CACNA2D4: variants seen among roughly 807,000 people sequenced by gnomAD.
CACNA2D4 encodes calcium voltage-gated channel auxiliary subunit alpha2delta 4.
A neutral mutation model predicts 163.8 loss-of-function variants in CACNA2D4; 157 were observed. The ratio of observed to expected loss-of-function variants is 0.96; its 90% CI spans 0.84 to 1.09. The LOEUF is 1.09. Among genes scored for constraint, CACNA2D4 ranks in the 50% least tolerant of loss-of-function variants. The pLI is 0.00. For missense variants in CACNA2D4, 1,410 were observed against 1,479.9 expected (o/e 0.95, Z 0.78); for synonymous variants, 598 against 586.9 (o/e 1.02, Z -0.27).
chr12:1,830,034 G>T (rs931878385), intron 26 of CACNA2D4, among the ~76,000 whole-genome samples: 1 of 152,326 alleles, frequency 6.6e-6, no homozygotes, highest in East Asian at 1.9e-4. Flanking sequence ...CCCCATGCTC[G>T]CTACGCAGAA....
At position 1,843,149 on chromosome 12, in the gene CACNA2D4, C is replaced by A. The variant is rs1486509181; in HGVS notation, c.2470+1253G>T. Among the ~76,000 whole-genome samples, 1 of 152,148 alleles carries A rather than the reference C, an allele frequency of 6.6e-6. No individual in the cohort carries two copies. The highest frequency in any genetic ancestry group is 1.5e-5 in the Non-Finnish European group (1 of 68,016). ...TTGTGAAGCATAGTAGTTATTTGCACGTGTGTGGAGGGAACAGCACAGGTG... is the reference window on the plus strand; with the variant it reads ...TTGTGAAGCATAGTAGTTATTTGCAAGTGTGTGGAGGGAACAGCACAGGTG... On this transcript the variant is annotated intron_variant, in intron 25 of 37. Coordinates refer to ENST00000382722, the MANE Select transcript of CACNA2D4 (RefSeq NM_172364.5). This position sits in a 1 kb window ranked among gnomAD's most constrained non-coding sequence, Gnocchi z 4.6.
In CACNA2D4 at chr12:1,843,824, T is replaced by C. The variant is rs7967890; in HGVS notation, c.2470+578A>G. Reference sequence around the variant, plus strand: ...CCCTGGCCGTGCAGGGATTTTGTGGTTGCCTCATACCCCACCCTCCCCACC... The same window carrying C: ...CCCTGGCCGTGCAGGGATTTTGTGGCTGCCTCATACCCCACCCTCCCCACC... On this transcript the variant is annotated intron_variant, in intron 25 of 37. Transcript: ENST00000382722. This position sits in a 1 kb window ranked among gnomAD's most constrained non-coding sequence, Gnocchi z 4.6. 0.05 allele frequency among the ~76,000 whole-genome samples: 7,622 copies of C among 152,174 alleles called. 278 individuals carry two copies. The highest frequency in any genetic ancestry group is 0.096 in the Middle Eastern group (28 of 292).
chr12:1,811,556 T>G, intron 27 of CACNA2D4, 106 bp downstream of exon 27: 4 of 1,178,968 alleles, frequency 3.4e-6, no homozygotes, highest in Non-Finnish European at 4.9e-6. Flanking sequence ...GAGGGCATCC[T>G]GAGAGCCTCA....
rs994828451 is a variant in CACNA2D4 at position 1,917,743 on chromosome 12, T to C, written c.227+504A>G. On this transcript the variant is annotated intron_variant, in intron 1 of 37. Transcript: ENST00000382722. This position sits in a 1 kb window ranked among gnomAD's most constrained non-coding sequence, Gnocchi z 4.3. ...GGAAGACTGCGGCCACCAAAATCCA[T>C]TTTTTTCCCCAGTTCCTGGACAAGC... is the stretch of plus-strand genomic sequence containing the variant. 1.3e-5 allele frequency among the ~76,000 whole-genome samples: 2 copies of C among 151,936 alleles called. No homozygotes were observed. The highest frequency in any genetic ancestry group is 2.4e-5 in the African/African-American group (1 of 41,162).
At chr12:1,837,522 C>T (rs980268737) in intron 26 of CACNA2D4, among the ~76,000 whole-genome samples, 4 of 152,122 alleles carry the variant, frequency 2.6e-5, no homozygotes, top group African/African-American at 2.4e-5. Flanking sequence ...GCTCAACGCC[C>T]GGCCCGAGAA....
Position 1,800,038 on chromosome 12 carries a change from C to CA in CACNA2D4, c.2935dup (p.Trp979LeufsTer71). 6.2e-7 allele frequency: 1 copy of CA among 1,603,118 alleles called. No homozygotes were observed. The highest frequency in any genetic ancestry group is 1.1e-5 in the South Asian group (1 of 88,746). ...GTCGTACCAGGAGCCCCAGACACTC[C>CA]ACTCCAGCAGGAACCTGTCAGACAC... On this transcript the variant is annotated frameshift_variant, in exon 33 of 38. Coordinates refer to ENST00000382722, the MANE Select transcript of CACNA2D4 (RefSeq NM_172364.5). LOFTEE classifies it high-confidence loss of function.
chr12:1,841,360 C>T (rs1865021916), intron 25 of CACNA2D4, among the ~76,000 whole-genome samples: 3 of 152,242 alleles, frequency 2.0e-5, no homozygotes, highest in South Asian at 4.1e-4. Context: ...ACTTGCTTCT[C>T]AGCTGTTGCT....
chr12:1,834,753 G>T lies in CACNA2D4; in HGVS notation c.2551+5986C>A. ...ATCCCCACCCGGCCAGGTAGGAAGG[G>T]CGGGGAGAGCACACGGCATTGCTCA... is the stretch of plus-strand genomic sequence containing the variant. On this transcript the variant is annotated intron_variant, in intron 26 of 37. Coordinates refer to ENST00000382722, the MANE Select transcript of CACNA2D4 (RefSeq NM_172364.5). This position sits in a 1 kb window ranked among gnomAD's most constrained non-coding sequence, Gnocchi z 7.6. 6.4e-7 allele frequency: 1 copy of T among 1,554,652 alleles called. No individual in the cohort carries two copies. The highest frequency in any genetic ancestry group is 8.7e-7 in the Non-Finnish European group (1 of 1,153,146).
At chr12:1,794,580 C>T (rs998658885) in intron 37 of CACNA2D4, among the ~76,000 whole-genome samples, 3 of 152,122 alleles carry the variant, frequency 2.0e-5, no homozygotes, top group African/African-American at 7.2e-5. Context: ...TCTCAGGCTC[C>T]GTGAGTTGTT....
rs527929308 is a variant in CACNA2D4 at position 1,798,709 on chromosome 12, G to A, written c.2995+966C>T. On this transcript the variant is annotated intron_variant, in intron 34 of 37. Coordinates refer to ENST00000382722, the MANE Select transcript of CACNA2D4 (RefSeq NM_172364.5). The surrounding 1 kb of genome is among the most constrained non-coding windows in gnomAD (Gnocchi z 4.3). The stretch of plus-strand genomic sequence containing the variant: ...CAGACCAGGGGGAGGAGCTCCAGGG[G>A]ACAGGTACCCCAGAGAAGAGAAATT... Among the ~76,000 whole-genome samples, 7 of 152,308 alleles carry A rather than the reference G, an allele frequency of 4.6e-5. No individual in the cohort carries two copies. The East Asian group carries it at 1.4e-3, about 29-fold the overall frequency.
rs759856031 is a variant in CACNA2D4, at chr12:1,843,353, AGTG to A, written c.2470+1046_2470+1048del. Among the ~76,000 whole-genome samples the A allele has an allele frequency of 1.3e-4, 20 of 152,150 alleles. No individual in the cohort carries two copies. Among genetic ancestry groups the A allele is most frequent in the Non-Finnish European group, 2.4e-4 (16 of 68,024 alleles). On this transcript the variant is annotated intron_variant, in intron 25 of 37. Transcript: ENST00000382722. The surrounding 1 kb of genome is among the most constrained non-coding windows in gnomAD (Gnocchi z 4.6). ...ACGACGCTTGAGGATGGTTTGGCAA[AGTG>A]GTGGTGGAAGGCCTTTGGCAGAAGG...
chr12:1,858,759 G>A (rs139341807), intron 19 of CACNA2D4, 115 bp from the exon 20 acceptor site: 4 of 685,954 alleles, frequency 5.8e-6, no homozygotes, highest in African/African-American at 3.7e-5. Context: ...TACCCACGAC[G>A]AGTGGTGTGC....
chr12:1,907,082 C>T (rs541999856), intron 6 of CACNA2D4, among the ~76,000 whole-genome samples: 21 of 152,346 alleles, frequency 1.4e-4, no homozygotes, highest in African/African-American at 4.3e-4. Context: ...ACACTCTTGG[C>T]GAGTGCGCCT....
intron 6 of CACNA2D4, among the ~76,000 whole-genome samples, chr12:1,887,993 A>T (rs1866190814): frequency 6.6e-6 from 1 of 152,156 alleles, no homozygotes; most frequent in African/African-American, 2.4e-5. Flanking sequence ...ATGATCTCAA[A>T]ACCAAACAAA....
At chr12:1,819,821 G>T (rs1057480476) in intron 26 of CACNA2D4, among the ~76,000 whole-genome samples, 1 of 152,182 alleles carries the variant, frequency 6.6e-6, no homozygotes, top group Non-Finnish European at 1.5e-5. Context: ...CTGGCACTGA[G>T]AACGGTCTGC....
intron 37 of CACNA2D4, among the ~76,000 whole-genome samples, chr12:1,794,505 C>T (rs981784483): frequency 1.3e-5 from 2 of 152,198 alleles, no homozygotes; most frequent in African/African-American, 2.4e-5. Context: ...AGATGCCAAT[C>T]GCAAGCCCCA....
chr12:1,826,735 C>T (rs530808556), intron 26 of CACNA2D4, among the ~76,000 whole-genome samples: 1 of 152,232 alleles, frequency 6.6e-6, no homozygotes, highest in African/African-American at 2.4e-5. Flanking sequence ...CCTGTTCTAA[C>T]TGAGCACTGC....
intron 2 of CACNA2D4, 83 bp downstream of exon 2, chr12:1,914,771 C>T (rs1025615609): frequency 1.4e-4 from 124 of 887,738 alleles, no homozygotes; most frequent in Non-Finnish European, 2.1e-5. Context: ...TGCCCAAGGC[C>T]CCTCACAGCA....
intron 36 of CACNA2D4, 75 bp from the exon 37 acceptor site, chr12:1,795,456 AC>A: frequency 7.1e-7 from 1 of 1,406,758 alleles, no homozygotes; most frequent in Non-Finnish European, 9.8e-7. Context: ...GTCTGGAAGA[AC>A]CTGCTCTGGT....
Sources: gnomAD v4.1 joint callset for allele counts (sites outside exome capture counted in the v4.1 genomes callset) on GRCh38, gnomAD v4.1.1 for gene constraint, Gnocchi (gnomAD v3.1) non-coding constraint, MANE v1.5 for transcripts, NCBI Gene and HGNC (gene_info 2026-07-23, HGNC 2026-07-21) for gene names.